Variants in NOD1 observed in about 807,000 individuals in gnomAD.
The protein encoded by NOD1 is nucleotide-binding oligomerization domain-containing protein 1.
A neutral mutation model predicts 81.2 loss-of-function variants in NOD1; 70 were observed. The ratio of observed to expected loss-of-function variants is 0.86; its 90% CI spans 0.71 to 1.05. The LOEUF (loss-of-function observed/expected upper bound fraction) is 1.05. NOD1 is among the 50% of genes least tolerant of loss of function. The pLI is 0.00. For synonymous variants in NOD1, 508 were observed against 526.9 expected (o/e 0.96, Z 0.49); for missense variants, 1,233 against 1,228.0 (o/e 1.00, Z -0.06).
intron 9 of NOD1, among the ~76,000 whole-genome samples, chr7:30,439,143 G>C (rs1183895178): frequency 6.6e-6 from 1 of 152,114 alleles, no homozygotes; most frequent in East Asian, 1.9e-4. Context: ...ACATAAAATG[G>C]TGCTGCTGCC....
rs118106664 is a variant in NOD1 at position 30,468,132 on chromosome 7, T to C, written c.-351-8091A>G. On this transcript the variant is annotated intron_variant, in intron 1 of 13. Transcript: ENST00000222823. ...AATAGTACAGAGCAAAAGTCAACAA[T>C]ACTGGCTTTCAAGTGGATTTTTAAA... 1.7e-3 allele frequency among the ~76,000 whole-genome samples: 256 copies of C among 152,324 alleles called. 5 individuals carry two copies. The East Asian group carries it at 0.031, about 18-fold the overall frequency.
Position 30,456,867 on chromosome 7 carries a change from G to C in NOD1, c.55C>G (p.His19Asp), listed in dbSNP as rs768207776. The change falls in exon 4 of 14, where the codon CAC becomes GAC. Residue 19 changes from histidine (H) to aspartate (D), a missense_variant. Transcript: ENST00000222823. Reference sequence around the variant, plus strand: ...CGATTGCTTTTCAGTAATTGAATGTGGGGGTGAGACTCTGATGGGATTATT... The same window carrying C: ...CGATTGCTTTTCAGTAATTGAATGTCGGGGTGAGACTCTGATGGGATTATT... ...MEIIPSESHPHIQLLKSNREL... is the reference protein window; with the variant it reads ...MEIIPSESHPDIQLLKSNREL... The C allele has an allele frequency of 6.2e-6, 10 of 1,614,164 alleles. No homozygotes were observed. The highest frequency in any genetic ancestry group is 8.5e-6 in the Non-Finnish European group (10 of 1,179,990).
At chr7:30,468,976 C>G (rs1201552945) in intron 1 of NOD1, 1 of 985,328 alleles carries the variant, frequency 1.0e-6, no homozygotes. Context: ...GAAGCCATGC[C>G]AACAGCATCT....
rs1788981466 is a variant in NOD1 at position 30,478,145 on chromosome 7, T to C, written c.-352+461A>G. On this transcript the variant is annotated intron_variant, in intron 1 of 13. Coordinates refer to ENST00000222823, the MANE Select transcript of NOD1 (RefSeq NM_006092.4). This position sits in a 1 kb window ranked among gnomAD's most constrained non-coding sequence, Gnocchi z 4.1. ...GGACACTGGGAGCTGCTGTCCCGTC[T>C]GCAGGCGGGACTCCATGAAGGCCCC... Among the ~76,000 whole-genome samples the C allele has an allele frequency of 6.6e-6, 1 of 152,146 alleles. No individual in the cohort carries two copies. Among genetic ancestry groups the C allele is most frequent in the Non-Finnish European group, 1.5e-5 (1 of 68,028 alleles).
chr7:30,450,005 C>T (rs1785518972), intron 6 of NOD1, among the ~76,000 whole-genome samples: 1 of 152,166 alleles, frequency 6.6e-6, no homozygotes, highest in South Asian at 2.1e-4. Context: ...CCAGCCTGGC[C>T]AACATGGGGA....
intron 6 of NOD1, among the ~76,000 whole-genome samples, chr7:30,450,150 C>T (rs759488623): frequency 9.2e-5 from 14 of 151,936 alleles, no homozygotes; most frequent in South Asian, 2.1e-4. Flanking sequence ...GCTGAGATCA[C>T]GCCACTGCAC....
In NOD1 at chr7:30,452,752, C is replaced by A; in HGVS notation, c.665G>T (p.Gly222Val). Residue 222 changes from glycine to valine, a missense_variant, in exon 6 of 14, where the codon GGC becomes GTC. By Grantham distance (109) the Gly-to-Val change is moderately radical. Transcript: ENST00000222823. ...GAATTTGACCCCTGCGTCTAGCCGG[C>A]CCGTGGCCCAGAGGCTCTGCAGCCG... is the stretch of plus-strand genomic sequence containing the variant. ...LQRLQSLWATGRLDAGVKFFF... is the reference protein window; with the variant it reads ...LQRLQSLWATVRLDAGVKFFF... 1.9e-6 allele frequency: 3 copies of A among 1,614,062 alleles called. No homozygotes were observed. The highest frequency in any genetic ancestry group is 2.5e-6 in the Non-Finnish European group (3 of 1,180,036).
chr7:30,475,025 G>C (rs1788635736), intron 1 of NOD1, among the ~76,000 whole-genome samples: 1 of 152,206 alleles, frequency 6.6e-6, no homozygotes, highest in Non-Finnish European at 1.5e-5. Flanking sequence ...AGAAGGTTTG[G>C]TTTTGAGGTC....
chr7:30,425,285 T>C lies in NOD1; in HGVS notation c.*353A>G, dbSNP rs1206034349. The C allele has an allele frequency of 4.0e-6, 1 of 251,198 alleles. No homozygotes were observed. The highest frequency in any genetic ancestry group is 7.7e-6 in the Non-Finnish European group (1 of 129,468). 15.6% of individuals were successfully genotyped at this position (251,198 alleles called of 1,614,324 possible). On this transcript the variant is annotated 3_prime_UTR_variant, in exon 14 of 14. Transcript: ENST00000222823. ...ACCAACTCGCTCCCGTTGGTCCCTA[T>C]GGCAGGTGTTGGAATGAGGTGAGGC...
In NOD1 at chr7:30,425,539, G is replaced by A; in HGVS notation, c.*99C>T. On this transcript the variant is annotated 3_prime_UTR_variant, in exon 14 of 14. Transcript: ENST00000222823. ...CAGTGGACTCCTGATAGTCCCGCCT[G>A]CGCAGGCCCCTTTAAGACACTGACA... 1.2e-6 allele frequency: 1 copy of A among 867,532 alleles called. No homozygotes were observed. The highest frequency in any genetic ancestry group is 2.0e-6 in the Non-Finnish European group (1 of 503,064). The allele number at this position is 867,532 out of a possible 1,614,324, so 53.7% of individuals were successfully genotyped here.
At chr7:30,462,423 T>C (rs1287248061) in intron 1 of NOD1, among the ~76,000 whole-genome samples, 1 of 141,922 alleles carries the variant, frequency 7.0e-6, no homozygotes, top group East Asian at 2.3e-4. Flanking sequence ...GGGGTTCTGA[T>C]GGGTTTTTTT....
intron 12 of NOD1, 76 bp from the exon 13 acceptor site, chr7:30,429,533 G>T: frequency 7.7e-7 from 1 of 1,293,658 alleles, no homozygotes; most frequent in Non-Finnish European, 1.1e-6. Flanking sequence ...GAGTTGCAAG[G>T]GTGTTTTGGG....
intron 6 of NOD1, among the ~76,000 whole-genome samples, chr7:30,450,854 C>T (rs1181712767): frequency 1.3e-5 from 2 of 152,226 alleles, no homozygotes; most frequent in Non-Finnish European, 2.9e-5. Flanking sequence ...ACCTAAGTTA[C>T]AGGGTTGTAA....
chr7:30,437,558 C>G lies in NOD1; in HGVS notation c.2537+15G>C. 6.7e-7 allele frequency: 1 copy of G among 1,486,356 alleles called. No individual in the cohort carries two copies. The highest frequency in any genetic ancestry group is 8.9e-7 in the Non-Finnish European group (1 of 1,127,058). The allele number at this position is 1,486,356 out of a possible 1,614,324, so 92.1% of individuals were successfully genotyped here. A position where few individuals can be genotyped will look rare whatever the true frequency, so the allele number is the denominator to read the frequency against. ...GGACCAGGTTGGCCCCTGGAGACAG[C>G]AGGGCCACAGTTACCTCAGGGTGGT... On this transcript the variant is annotated intron_variant, in intron 10 of 13. Coordinates refer to ENST00000222823, the MANE Select transcript of NOD1 (RefSeq NM_006092.4).
intron 13 of NOD1, among the ~76,000 whole-genome samples, chr7:30,426,006 ACCTCT>A (rs1298187811): frequency 1.3e-5 from 2 of 149,180 alleles, no homozygotes; most frequent in African/African-American, 5.0e-5. Flanking sequence ...GGCTGTCCTG[ACCTCT>A]CCTCTCCCTC....
rs776458110 is a variant in NOD1, at chr7:30,436,045, C to G, written c.2574G>C (p.Lys858Asn). ...TCTGCTGCAGGGCCCTCGCAAGGCTCTTTCCTCCTTCTGTGGAGATGCCGT... is the reference window on the plus strand; with the variant it reads ...TCTGCTGCAGGGCCCTCGCAAGGCTGTTTCCTCCTTCTGTGGAGATGCCGT... Reference protein sequence around the residue: ...ASNGISTEGGKSLARALQQNT... With the variant: ...ASNGISTEGGNSLARALQQNT... The change falls in exon 11 of 14, where the codon AAG becomes AAC. Residue 858 changes from lysine (K) to asparagine (N), a missense_variant. Physicochemically the swap from Lys to Asn is moderately conservative, Grantham distance 94 (BLOSUM62 0). Coordinates refer to ENST00000222823, the MANE Select transcript of NOD1 (RefSeq NM_006092.4). The G allele has an allele frequency of 4.3e-6, 7 of 1,614,190 alleles. No homozygotes were observed. Among genetic ancestry groups the G allele is most frequent in the Non-Finnish European group, 5.9e-6 (7 of 1,179,998 alleles).
chr7:30,431,107 C>T (rs1293000396), intron 12 of NOD1, among the ~76,000 whole-genome samples: 3 of 152,222 alleles, frequency 2.0e-5, no homozygotes, highest in Non-Finnish European at 4.4e-5. Flanking sequence ...TCCACCCACT[C>T]GGGCTGCCTT....
rs189173990 is a variant in NOD1 at position 30,446,975 on chromosome 7, C to T, written c.2361G>A (p.Thr787=). 5.6e-5 allele frequency: 90 copies of T among 1,613,502 alleles called. 1 individual carries two copies. Among genetic ancestry groups the T allele is most frequent in the Non-Finnish European group, 6.7e-5 (79 of 1,179,514 alleles). The stretch of plus-strand genomic sequence containing the variant: ...GTGCCTACCCCACTTACTTAAGATG[C>T]GTGAGGCCTTTGCATTCATCCAGGA... ...TKILDECKGL[T]HLKLGKNKIT... is the part of the protein sequence containing the mutation. Residue 787 remains threonine (T), a synonymous_variant, in exon 8 of 14, where the codon ACG becomes ACA. Transcript: ENST00000222823.
intron 12 of NOD1, among the ~76,000 whole-genome samples, chr7:30,430,752 A>T (rs924705082): frequency 1.3e-5 from 2 of 152,216 alleles, no homozygotes; most frequent in Admixed American, 1.3e-4. Flanking sequence ...GGAGGGTATT[A>T]GGCACAGTGT....
Sources: gnomAD v4.1 joint callset for allele counts (sites outside exome capture counted in the v4.1 genomes callset) on GRCh38, gnomAD v4.1.1 for gene constraint, Gnocchi (gnomAD v3.1) non-coding constraint, MANE v1.5 for transcripts, NCBI Gene and HGNC (gene_info 2026-07-23, HGNC 2026-07-21) for gene names.